SLC8A1: variants seen among roughly 807,000 people sequenced by gnomAD.
The protein encoded by SLC8A1 is sodium/calcium exchanger 1.
A neutral mutation model predicts 68.3 loss-of-function variants in SLC8A1; 18 were observed. The ratio of observed to expected loss-of-function variants is 0.26; its 90% CI spans 0.18 to 0.39. The LOEUF (loss-of-function observed/expected upper bound fraction) is 0.39, where lower values mean the gene tolerates loss of function less well. Ranked by LOEUF, SLC8A1 falls within the 10% of genes least tolerant of loss-of-function variation. SLC8A1 has a pLI of 1.00. For missense variants in SLC8A1, 985 were observed against 1,156.7 expected, an observed-to-expected ratio of 0.85 and a Z score of 2.15; for synonymous variants, 475 against 415.5, an observed-to-expected ratio of 1.14 and a Z score of -1.74.
At chr2:40,451,657 G>A (rs1559735205) in intron 1 of SLC8A1, among the ~76,000 whole-genome samples, 2 of 151,464 alleles carry the variant, frequency 1.3e-5, no homozygotes, top group Admixed American at 6.6e-5. Context: ...GCACCCTCAC[G>A]CCCAGACGCA....
chr2:40,145,104 C>A (rs950934677), intron 6 of SLC8A1, among the ~76,000 whole-genome samples: 8 of 152,128 alleles, frequency 5.3e-5, no homozygotes, highest in Admixed American at 3.9e-4. Context: ...AGATGGTAAC[C>A]ACTGCTTCAT....
intron 1 of SLC8A1, among the ~76,000 whole-genome samples, chr2:40,432,926 A>G (rs577368948): frequency 7.2e-5 from 11 of 152,252 alleles, no homozygotes; most frequent in African/African-American, 2.6e-4. Context: ...GGTACAGAAG[A>G]TATTTAACAT....
rs193220565 is a variant in SLC8A1 at position 40,227,814 on chromosome 2, C to G, written c.1809-49959G>C. Among the ~76,000 whole-genome samples, 6 of 152,136 alleles carry G rather than the reference C, an allele frequency of 3.9e-5. No individual in the cohort carries two copies. In the East Asian group the frequency reaches 1.2e-3, roughly 30 times the overall value. On this transcript the variant is annotated intron_variant, in intron 2 of 7. Transcript: ENST00000406785. ...GGACTAAGGCACTGAACAATGACAG[C>G]ACGGTGCTATATATGACCAACAAGT... is the stretch of plus-strand genomic sequence containing the variant.
intron 2 of SLC8A1, among the ~76,000 whole-genome samples, chr2:40,216,785 G>C (rs2057558985): frequency 6.6e-6 from 1 of 152,094 alleles, no homozygotes; most frequent in African/African-American, 2.4e-5. Flanking sequence ...ATTTTTGTTG[G>C]CTGCATGAAT....
At chr2:40,321,511 G>A (rs371597648) in intron 2 of SLC8A1, among the ~76,000 whole-genome samples, 17 of 152,166 alleles carry the variant, frequency 1.1e-4, no homozygotes, top group African/African-American at 4.1e-4. Flanking sequence ...AGACATACCC[G>A]AGACTGGGTA....
intron 6 of SLC8A1, among the ~76,000 whole-genome samples, chr2:40,153,919 T>G (rs17501963): frequency 0.021 from 3,240 of 152,338 alleles, 34 homozygotes; most frequent in Middle Eastern, 0.034. Context: ...ACCTTCCCCA[T>G]GTGTAACTGA....
At chr2:40,309,498 T>G (rs2149299612) in intron 2 of SLC8A1, among the ~76,000 whole-genome samples, 1 of 150,082 alleles carries the variant, frequency 6.7e-6, no homozygotes, top group South Asian at 2.1e-4. Context: ...TCCTGAATAT[T>G]TTACTTTTTT....
At chr2:40,190,588 C>T (rs1043614953) in intron 2 of SLC8A1, 36 of 152,250 alleles carry the variant, frequency 2.4e-4, no homozygotes, top group African/African-American at 8.7e-4. Context: ...TCTTTGGTAA[C>T]TCAGTACCAT....
intron 2 of SLC8A1, among the ~76,000 whole-genome samples, chr2:40,237,826 C>G (rs1240639812): frequency 6.6e-6 from 1 of 152,166 alleles, no homozygotes; most frequent in Non-Finnish European, 1.5e-5. Flanking sequence ...TTCTAACAGA[C>G]AGGACCCTCA....
exon 8 of SLC8A1, chr2:40,102,320 TG>T (rs2033941619): frequency 6.6e-6 from 1 of 151,998 alleles, no homozygotes; most frequent in Non-Finnish European, 1.5e-5. Flanking sequence ...CAGCTAAATT[TG>T]TTCACAATTT....
chr2:40,170,240 T>C (rs1426247319), intron 4 of SLC8A1, 41 bp downstream of exon 7: 1 of 1,563,514 alleles, frequency 6.4e-7, no homozygotes, highest in Non-Finnish European at 8.8e-7. Flanking sequence ...TAAAGAACTC[T>C]GGGAGGCTGT....
At chr2:40,309,742 G>T (rs2073340828) in intron 2 of SLC8A1, among the ~76,000 whole-genome samples, 9 of 152,084 alleles carry the variant, frequency 5.9e-5, no homozygotes, top group Admixed American at 5.9e-4. Flanking sequence ...CTGACCTCAT[G>T]ATCCGCCCGC....
At chr2:40,479,066 C>G (rs1264216961) in intron 1 of SLC8A1, among the ~76,000 whole-genome samples, 2 of 152,154 alleles carry the variant, frequency 1.3e-5, no homozygotes, top group Admixed American at 1.3e-4. Context: ...GCCACCACGC[C>G]CGGCCTCAAC....
chr2:40,341,619 G>C (rs972799342), intron 2 of SLC8A1, among the ~76,000 whole-genome samples: 1 of 152,152 alleles, frequency 6.6e-6, no homozygotes, highest in Non-Finnish European at 1.5e-5. Context: ...TTTTTGGAAA[G>C]TTTCTTAATT....
chr2:40,195,274 A>C (rs575957052), intron 2 of SLC8A1, among the ~76,000 whole-genome samples: 73 of 152,174 alleles, frequency 4.8e-4, no homozygotes, highest in African/African-American at 1.7e-3. Flanking sequence ...TTTGATAGTA[A>C]AGTATCTGGT....
At chr2:40,336,013 T>G (rs1165595571) in intron 2 of SLC8A1, among the ~76,000 whole-genome samples, 3 of 152,126 alleles carry the variant, frequency 2.0e-5, no homozygotes, top group African/African-American at 7.2e-5. Context: ...CTCAAACAAG[T>G]TGGTATTTAC....
At chr2:40,423,503 C>T (rs1696055226) in intron 2 of SLC8A1, among the ~76,000 whole-genome samples, 1 of 151,940 alleles carries the variant, frequency 6.6e-6, no homozygotes, top group Non-Finnish European at 1.5e-5. Flanking sequence ...ATAAATTCTC[C>T]TCTGCCCCTA....
At chr2:40,337,367 A>G (rs1666309721) in intron 2 of SLC8A1, 2 of 325,230 alleles carry the variant, frequency 6.1e-6, no homozygotes, top group Non-Finnish European at 1.4e-5. Context: ...TCAGTCGTAC[A>G]GAGTAGTTTT....
chr2:40,176,018 G>A (rs1344984902), intron 3 of SLC8A1: 2 of 446,046 alleles, frequency 4.5e-6, no homozygotes, highest in Admixed American at 2.4e-5. Flanking sequence ...GAAACTGACA[G>A]GGCATTGGGT....
Sources: allele counts gnomAD v4.1 joint callset (sites outside exome capture counted in the v4.1 genomes callset), GRCh38; gene constraint gnomAD v4.1.1; transcripts MANE v1.5; gene names NCBI Gene and HGNC (gene_info 2026-07-23, HGNC 2026-07-21).